Variants in RLIM observed in about 807,000 individuals in gnomAD.
RLIM encodes E3 ubiquitin-protein ligase RLIM.
Under a neutral mutation model 34.0 loss-of-function variants are expected in RLIM, and 2 were observed. That is an observed-to-expected ratio of 0.06 (90% confidence interval 0.02 to 0.19). The LOEUF (loss-of-function observed/expected upper bound fraction) is 0.19, where lower values mean the gene tolerates loss of function less well. RLIM is among the 10% of genes least tolerant of loss of function. The pLI is 1.00. For missense variants in RLIM, 286 were observed against 479.7 expected (o/e 0.60, Z 3.77); for synonymous variants, 169 against 164.0 (o/e 1.03, Z -0.23).
Position 74,591,595 on chromosome X carries a change from T to A in RLIM, c.1720A>T (p.Ile574Phe). The change falls in exon 4 of 4, where the codon ATT becomes TTT. Residue 574 changes from isoleucine to phenylalanine, a missense_variant. Physicochemically the swap from Ile to Phe is conservative, Grantham distance 21 (BLOSUM62 0). Around this residue, in one of 6 missense-constraint regions of RLIM, gnomAD observed 14 missense variants for 63.2 expected, o/e 0.22. Transcript: ENST00000332687. Reference sequence around the variant, plus strand: ...TTGTTGCCTTCTGTATATTCTGTAATGCAAACACTACAGGTTTTTAATGCA... The same window carrying A: ...TTGTTGCCTTCTGTATATTCTGTAAAGCAAACACTACAGGTTTTTAATGCA... ...NDALKTCSVC[I>F]TEYTEGNKLR... 3 of 1,212,140 alleles carry A rather than the reference T, an allele frequency of 2.5e-6. No individual in the cohort carries two copies. The highest frequency in any genetic ancestry group is 3.3e-6 in the Non-Finnish European group (3 of 895,649).
chrX:74,600,098 C>T (rs1457850821), intron 1 of RLIM, among the ~76,000 whole-genome samples: 1 of 109,972 alleles, frequency 9.1e-6, no homozygotes, highest in African/African-American at 3.3e-5. Flanking sequence ...ATGAGTATGT[C>T]AAGAAATGTG....
chrX:74,610,830 C>G (rs1221537213), intron 1 of RLIM, among the ~76,000 whole-genome samples: 1 of 109,716 alleles, frequency 9.1e-6, no homozygotes, highest in Non-Finnish European at 1.9e-5. Context: ...GTGGAGGTTG[C>G]AGTGAGCCGA....
At chrX:74,610,458 C>CA (rs201437031) in intron 1 of RLIM, among the ~76,000 whole-genome samples, 101 of 81,408 alleles carry the variant, frequency 1.2e-3, no homozygotes, top group Non-Finnish European at 1.6e-3. Context: ...AACAAACAAA[C>CA]AAAAAAAACC....
chrX:74,591,787 G>T lies in RLIM; in HGVS notation c.1528C>A (p.Arg510=), dbSNP rs1222014379. ...ACTGGGGCCCTATGTCGACCCTCTC[G>T]CCTGGCACCTGATGAGCCTGATGAT... The part of the protein sequence containing the change: ...SSSSGSSGAR[R]EGRHRAPVTF... Residue 510 remains arginine (R), a synonymous_variant, in exon 4 of 4, where the codon CGA becomes AGA. Transcript: ENST00000332687. 5 of 1,209,222 alleles carry T rather than the reference G, an allele frequency of 4.1e-6. No individual in the cohort carries two copies. The highest frequency in any genetic ancestry group is 4.5e-6 in the Non-Finnish European group (4 of 894,989).
At position 74,584,231 on chromosome X, in the gene RLIM, A is replaced by C. The variant is rs903241607; in HGVS notation, c.*7209T>G. The stretch of plus-strand genomic sequence containing the variant: ...TTAAGAGCACAAGGAAGATGACTGC[A>C]TCAAAGATGATTGCAAATAATCTGC... On this transcript the variant is annotated 3_prime_UTR_variant, in exon 4 of 4. Transcript: ENST00000332687. Among the ~76,000 whole-genome samples, 1 of 111,613 alleles carries C rather than the reference A, an allele frequency of 9.0e-6. No homozygotes were observed. The highest frequency in any genetic ancestry group is 3.3e-5 in the African/African-American group (1 of 30,678).
At chrX:74,607,133 A>G (rs1340087580) in intron 1 of RLIM, among the ~76,000 whole-genome samples, 1 of 102,908 alleles carries the variant, frequency 9.7e-6, no homozygotes. Context: ...CAGAGACTCC[A>G]TATCAAAATT....
At position 74,591,702 on chromosome X, in the gene RLIM, T is replaced by C; in HGVS notation, c.1613A>G (p.Asn538Ser). ...TCTAGGTTGGTCATCATCATCCTCA[T>C]TTAAGAGGAAAAACTGAGCCAGGCT... Reference protein sequence around the residue: ...FLSLAQFFLLNEDDDDQPRGL... With the variant: ...FLSLAQFFLLSEDDDDQPRGL... The change falls in exon 4 of 4, where the codon AAT (asparagine) becomes AGT (serine). Residue 538 changes from asparagine (N) to serine (S), a missense_variant. Around this residue, in one of 6 missense-constraint regions of RLIM, gnomAD observed 69 missense variants for 83.5 expected, o/e 0.83. Coordinates refer to ENST00000332687, the MANE Select transcript of RLIM (RefSeq NM_016120.4). 8.3e-7 allele frequency: 1 copy of C among 1,211,797 alleles called. No individual in the cohort carries two copies. The highest frequency in any genetic ancestry group is 1.1e-6 in the Non-Finnish European group (1 of 895,489).
At chrX:74,599,888 G>A (rs774073423) in intron 1 of RLIM, among the ~76,000 whole-genome samples, 1 of 110,863 alleles carries the variant, frequency 9.0e-6, no homozygotes, top group Non-Finnish European at 1.9e-5. Flanking sequence ...CTGAAGTGCC[G>A]GAATGTTCAC....
chrX:74,583,462 T>C lies in RLIM; in HGVS notation c.*7978A>G. 1.5e-6 allele frequency: 1 copy of C among 686,149 alleles called. No homozygotes were observed. The highest frequency in any genetic ancestry group is 2.4e-6 in the Non-Finnish European group (1 of 414,527). 56.5% of individuals were successfully genotyped at this position (686,149 alleles called of 1,213,427 possible). On this transcript the variant is annotated 3_prime_UTR_variant, in exon 4 of 4. Coordinates refer to ENST00000332687, the MANE Select transcript of RLIM (RefSeq NM_016120.4). ...GGATTGCAAACTCCCGCAGCATATT[T>C]ATACTGTGGAACGGTGCGGACAGCA...
intron 1 of RLIM, among the ~76,000 whole-genome samples, chrX:74,613,179 G>C (rs2079719066): frequency 9.0e-6 from 1 of 110,980 alleles, no homozygotes; most frequent in Non-Finnish European, 1.9e-5. Context: ...ACTTAATGGG[G>C]TGATAAGTAG....
chrX:74,611,867 C>T (rs772284810), intron 1 of RLIM, among the ~76,000 whole-genome samples: 1 of 112,029 alleles, frequency 8.9e-6, no homozygotes, highest in South Asian at 3.7e-4. Context: ...TCATGAGGCT[C>T]TGTTGTGAGA....
At position 74,592,467 on chromosome X, in the gene RLIM, C is replaced by G. The variant is rs775262415; in HGVS notation, c.848G>C (p.Arg283Thr). 2 of 1,210,360 alleles carry G rather than the reference C, an allele frequency of 1.7e-6. No homozygotes were observed. The highest frequency in any genetic ancestry group is 3.5e-5 in the South Asian group (2 of 56,874). ...TGTTCCAGAAGCTGCAAAAAGACCT[C>G]TACTTAGCAACTCAGGCCCAGATAT... Reference protein sequence around the residue: ...QQISGPELLSRGLFAASGTRN... With the variant: ...QQISGPELLSTGLFAASGTRN... The change falls in exon 4 of 4, where the codon AGA becomes ACA. Residue 283 changes from arginine (R) to threonine (T), a missense_variant. This residue lies in a region of RLIM where 121 missense variants were observed against 182.4 expected (regional missense o/e 0.66). Transcript: ENST00000332687.
chrX:74,597,904 C>T (rs910868785), intron 1 of RLIM, among the ~76,000 whole-genome samples: 33 of 111,794 alleles, frequency 3.0e-4, no homozygotes, highest in African/African-American at 1.0e-3. Context: ...GATTTATTTT[C>T]TGTGAGAACC....
intron 1 of RLIM, among the ~76,000 whole-genome samples, chrX:74,598,561 G>T (rs1250263889): frequency 9.0e-6 from 1 of 110,550 alleles, no homozygotes; most frequent in Non-Finnish European, 1.9e-5. Context: ...GGCGGATCAC[G>T]AGGTCAGGAG....
chrX:74,595,785 A>C, intron 2 of RLIM, 24 bp downstream of exon 2: 1 of 1,127,128 alleles, frequency 8.9e-7, no homozygotes, highest in Non-Finnish European at 1.2e-6. Flanking sequence ...ACACTTATAA[A>C]TCCTTAAATA....
In RLIM at chrX:74,591,902, T is replaced by TGAACTG. The variant is rs749149244; in HGVS notation, c.1407_1412dup (p.Ser475_Ser476dup). On this transcript the variant is annotated inframe_insertion, in exon 4 of 4. Transcript: ENST00000332687. ...TGGAACTAGGACTGGAACTGGAACT[T>TGAACTG]GAACTGGAACTGGAACTCGAACTGG... The TGAACTG allele has an allele frequency of 3.1e-5, 37 of 1,200,698 alleles. No homozygotes were observed. Among genetic ancestry groups the TGAACTG allele is most frequent in the Admixed American group, 2.7e-4 (12 of 45,206 alleles).
Position 74,583,015 on chromosome X carries a change from A to AT in RLIM, c.*8424dup, listed in dbSNP as rs201122554. ...TTTATATTTTGATATTTTTTTCCAT[A>AT]TTTAAGTTTTTCGATGTTTAGATAT... On this transcript the variant is annotated 3_prime_UTR_variant, in exon 4 of 4. Transcript: ENST00000332687. 3.4e-3 allele frequency: 2,241 copies of AT among 667,095 alleles called. 44 individuals carry two copies. In the African/African-American group the frequency reaches 0.043, roughly 13 times the overall value. The allele number at this position is 667,095 out of a possible 1,213,427, so 55.0% of individuals were successfully genotyped here.
At chrX:74,607,800 G>C in intron 1 of RLIM, among the ~76,000 whole-genome samples, 1 of 112,721 alleles carries the variant, frequency 8.9e-6, no homozygotes, top group East Asian at 2.8e-4. Context: ...AAGAACTAGT[G>C]ACATGTGATC....
intron 1 of RLIM, among the ~76,000 whole-genome samples, chrX:74,596,586 G>A (rs779301932): frequency 8.9e-6 from 1 of 112,012 alleles, no homozygotes; most frequent in African/African-American, 3.2e-5. Flanking sequence ...ACCTAAGAAT[G>A]GTTTTTAGAG....
Sources: gnomAD v4.1 joint callset for allele counts (sites outside exome capture counted in the v4.1 genomes callset) on GRCh38, gnomAD v4.1.1 for gene constraint, gnomAD v4.1.1 regional missense constraint, MANE v1.5 for transcripts, NCBI Gene and HGNC (gene_info 2026-07-23, HGNC 2026-07-21) for gene names.